Variants in HABP4 observed in about 807,000 individuals in gnomAD.
The protein encoded by HABP4 is hyaluronan binding protein 4.
In HABP4, 32 loss-of-function variants were observed where a neutral mutation model predicts 44.1. That is an observed-to-expected ratio of 0.73 (90% CI 0.55 to 0.97). The LOEUF (loss-of-function observed/expected upper bound fraction) is 0.97. Ranked by LOEUF, HABP4 falls within the 50% of genes least tolerant of loss-of-function variation. The probability of loss-of-function intolerance (pLI) is 0.00; values close to 1 mark genes in which losing one functional copy is unlikely to be tolerated. For synonymous variants in HABP4, 216 were observed against 218.0 expected, an observed-to-expected ratio of 0.99 and a Z score of 0.08; for missense variants, 503 against 561.9, an observed-to-expected ratio of 0.90 and a Z score of 1.06.
At chr9:96,461,543 G>T (rs1432817863) in intron 2 of HABP4, among the ~76,000 whole-genome samples, 1 of 152,114 alleles carries the variant, frequency 6.6e-6, no homozygotes, top group Non-Finnish European at 1.5e-5. Context: ...GATCTCGGGG[G>T]CGGAGACATG....
At chr9:96,487,695 C>CTT (rs11432941) in intron 6 of HABP4, among the ~76,000 whole-genome samples, 3 of 151,956 alleles carry the variant, frequency 2.0e-5, no homozygotes, top group African/African-American at 7.3e-5. Flanking sequence ...GAAATGAAAA[C>CTT]TTTTTTATCT....
intron 2 of HABP4, among the ~76,000 whole-genome samples, chr9:96,462,283 C>G (rs1587675496): frequency 6.6e-6 from 1 of 151,654 alleles, no homozygotes; most frequent in East Asian, 1.9e-4. Flanking sequence ...GAAACCACAT[C>G]TCTACTAAAA....
rs12347119 is a variant in HABP4 at position 96,490,060 on chromosome 9, C to G, written c.*22C>G. 6 of 1,498,730 alleles carry G rather than the reference C, an allele frequency of 4.0e-6. No individual in the cohort carries two copies. The highest frequency in any genetic ancestry group is 5.6e-6 in the Non-Finnish European group (6 of 1,074,428). The allele number at this position is 1,498,730 out of a possible 1,614,324, so 92.8% of individuals were successfully genotyped here. A position where few individuals can be genotyped will look rare whatever the true frequency, so the allele number is the denominator to read the frequency against. On this transcript the variant is annotated 3_prime_UTR_variant, in exon 8 of 8. Transcript: ENST00000375249. Reference sequence around the variant, plus strand: ...TTGAAAGAGCCCTGTTTCCCAGCACCGCGGAGCTGCACTGCACACCTGTGG... The same window carrying G: ...TTGAAAGAGCCCTGTTTCCCAGCACGGCGGAGCTGCACTGCACACCTGTGG...
intron 5 of HABP4, among the ~76,000 whole-genome samples, chr9:96,474,621 G>A (rs1158232652): frequency 1.3e-5 from 2 of 152,134 alleles, no homozygotes; most frequent in South Asian, 2.1e-4. Context: ...TTGAGTGACC[G>A]TGCCGAGAGA....
At position 96,490,628 on chromosome 9, in the gene HABP4, G is replaced by A. The variant is rs970086397; in HGVS notation, c.*590G>A. 1.3e-5 allele frequency: 2 copies of A among 152,286 alleles called. No individual in the cohort carries two copies. The highest frequency in any genetic ancestry group is 1.5e-5 in the Non-Finnish European group (1 of 68,108). 9.4% of individuals were successfully genotyped at this position (152,286 alleles called of 1,614,324 possible). A position where few individuals can be genotyped will look rare whatever the true frequency, so the allele number is the denominator to read the frequency against. ...CACCACTCTGTGACACAGAATCAGA[G>A]AAAGCGTTGATTTTTAATGGTGATT... On this transcript the variant is annotated 3_prime_UTR_variant, in exon 8 of 8. Coordinates refer to ENST00000375249, the MANE Select transcript of HABP4 (RefSeq NM_014282.4).
chr9:96,485,421 A>G (rs1832957165), intron 6 of HABP4, among the ~76,000 whole-genome samples: 1 of 152,218 alleles, frequency 6.6e-6, no homozygotes. Flanking sequence ...ATGTTGGTTC[A>G]GCAGCTTTGC....
In HABP4 at chr9:96,488,251, T is replaced by G; in HGVS notation, c.1162T>G (p.Tyr388Asp). 6.2e-7 allele frequency: 1 copy of G among 1,613,280 alleles called. No individual in the cohort carries two copies. Among genetic ancestry groups the G allele is most frequent in the East Asian group, 2.2e-5 (1 of 44,866 alleles). ...GGGAAGGATCAGGAGGGCAGAGAAC[T>G]ATGGACCCAGAGCAGAAGTGGTGGT... ...GRGRIRRAEN[Y>D]GPRAEVVMQD... is the part of the protein sequence containing the mutation. The change falls in exon 7 of 8, where the codon TAT becomes GAT. Residue 388 changes from tyrosine (Y) to aspartate (D), a missense_variant. Around this residue, in one of 3 missense-constraint regions of HABP4, gnomAD observed 82 missense variants for 71.6 expected, o/e 1.15. Coordinates refer to ENST00000375249, the MANE Select transcript of HABP4 (RefSeq NM_014282.4). This position sits in a 1 kb window ranked among gnomAD's most constrained non-coding sequence, Gnocchi z 4.6.
chr9:96,478,118 T>C (rs539406862), intron 5 of HABP4, among the ~76,000 whole-genome samples: 44 of 152,166 alleles, frequency 2.9e-4, no homozygotes, highest in Non-Finnish European at 5.9e-4. Flanking sequence ...CAGTTTTTGC[T>C]ATAAAGCTGC....
At position 96,471,027 on chromosome 9, in the gene HABP4, G is replaced by A. The variant is rs755573770; in HGVS notation, c.760G>A (p.Ala254Thr). ...GTTTTTCAGTGATGTGGAGCCAACT[G>A]CACCGATGGAGGAACCCACAGTGGT... is the stretch of plus-strand genomic sequence containing the variant. The part of the protein sequence containing the change: ...GKDTSDVEPT[A>T]PMEEPTVVEE... Residue 254 changes from alanine to threonine, a missense_variant, in exon 5 of 8, where the codon GCA becomes ACA. Physicochemically the swap from Ala to Thr is moderately conservative, Grantham distance 58 (BLOSUM62 0). This residue lies in a region of HABP4 where 131 missense variants were observed against 189.8 expected (regional missense o/e 0.69). Coordinates refer to ENST00000375249, the MANE Select transcript of HABP4 (RefSeq NM_014282.4). 6.2e-7 allele frequency: 1 copy of A among 1,602,876 alleles called. No individual in the cohort carries two copies. Among genetic ancestry groups the A allele is most frequent in the Admixed American group, 1.7e-5 (1 of 60,016 alleles).
At chr9:96,481,080 C>CTGTTT (rs778289532) in intron 5 of HABP4, among the ~76,000 whole-genome samples, 23 of 152,162 alleles carry the variant, frequency 1.5e-4, no homozygotes, top group South Asian at 1.2e-3. Flanking sequence ...TCCCCACCTA[C>CTGTTT]TGTTTTGTTT....
Position 96,490,966 on chromosome 9 carries a change from T to A in HABP4, c.*928T>A, listed in dbSNP as rs1189159785. 7 of 152,300 alleles carry A rather than the reference T, an allele frequency of 4.6e-5. No homozygotes were observed. Among genetic ancestry groups the A allele is most frequent in the Non-Finnish European group, 7.3e-5 (5 of 68,114 alleles). The allele number at this position is 152,300 out of a possible 1,614,324, so 9.4% of individuals were successfully genotyped here. A position where few individuals can be genotyped will look rare whatever the true frequency, so the allele number is the denominator to read the frequency against. ...CAGTTCTAGAGTTCCTCTTTATTGC[T>A]TTTGGTGAAAGTTTGGGGTTGGGGG... On this transcript the variant is annotated 3_prime_UTR_variant, in exon 8 of 8. Transcript: ENST00000375249.
chr9:96,456,076 A>G (rs1055846649), intron 1 of HABP4, among the ~76,000 whole-genome samples: 1 of 152,124 alleles, frequency 6.6e-6, no homozygotes, highest in African/African-American at 2.4e-5. Flanking sequence ...AAATAAATAA[A>G]TGAAACATTA....
At chr9:96,455,980 G>A (rs1258096312) in intron 1 of HABP4, among the ~76,000 whole-genome samples, 1 of 152,046 alleles carries the variant, frequency 6.6e-6, no homozygotes, top group Non-Finnish European at 1.5e-5. Flanking sequence ...GCTTTAACCT[G>A]GGAGGCGGAG....
At chr9:96,455,739 C>G (rs1339989961) in intron 1 of HABP4, among the ~76,000 whole-genome samples, 1 of 151,506 alleles carries the variant, frequency 6.6e-6, no homozygotes, top group Non-Finnish European at 1.5e-5. Context: ...GCAGTCCAGC[C>G]TGGGTGATAG....
In HABP4 at chr9:96,489,895, G is replaced by A. The variant is rs536215022; in HGVS notation, c.1186-87G>A. ...CTGCCTCTAATGCAGGCCCCTCAGCGTTGGTGCCAGGCCCTTGTTATCCCA... is the reference window on the plus strand; with the variant it reads ...CTGCCTCTAATGCAGGCCCCTCAGCATTGGTGCCAGGCCCTTGTTATCCCA... On this transcript the variant is annotated intron_variant, in intron 7 of 7. Coordinates refer to ENST00000375249, the MANE Select transcript of HABP4 (RefSeq NM_014282.4). 505 of 846,434 alleles carry A rather than the reference G, an allele frequency of 6.0e-4. 6 individuals carry two copies. In the South Asian group the frequency reaches 6.3e-3, roughly 11 times the overall value. 52.4% of individuals were successfully genotyped at this position (846,434 alleles called of 1,614,324 possible).
chr9:96,469,225 T>C (rs558331880), intron 4 of HABP4, among the ~76,000 whole-genome samples: 1 of 152,374 alleles, frequency 6.6e-6, no homozygotes, highest in South Asian at 2.1e-4. Flanking sequence ...CTTGTTAAAA[T>C]TGGAGTAGAC....
At chr9:96,481,777 T>G (rs1024586314) in intron 5 of HABP4, among the ~76,000 whole-genome samples, 4 of 152,122 alleles carry the variant, frequency 2.6e-5, no homozygotes, top group African/African-American at 9.7e-5. Context: ...AACGACTGAA[T>G]GCATGGATGG....
At chr9:96,484,740 G>A (rs1483726116) in intron 6 of HABP4, 107 bp downstream of exon 6, 2 of 680,904 alleles carry the variant, frequency 2.9e-6, no homozygotes, top group Non-Finnish European at 5.2e-6. Context: ...GTAGTTGGCA[G>A]TCTTTGTTTC....
chr9:96,480,735 T>G (rs1447443906), intron 5 of HABP4, among the ~76,000 whole-genome samples: 1 of 152,232 alleles, frequency 6.6e-6, no homozygotes, highest in African/African-American at 2.4e-5. Flanking sequence ...TGATATAAAA[T>G]GTATATACTA....
Sources: allele counts gnomAD v4.1 joint callset (sites outside exome capture counted in the v4.1 genomes callset), GRCh38; gene constraint gnomAD v4.1.1; regional missense constraint gnomAD v4.1.1; non-coding constraint Gnocchi (gnomAD v3.1); transcripts MANE v1.5; gene names NCBI Gene and HGNC (gene_info 2026-07-23, HGNC 2026-07-21).